TYW1: variants seen among roughly 807,000 people sequenced by gnomAD.
TYW1 encodes S-adenosyl-L-methionine-dependent tRNA 4-demethylwyosine synthase TYW1.
Under a neutral mutation model 96.2 loss-of-function variants are expected in TYW1, and 46 were observed. That is an observed-to-expected ratio of 0.48 (90% CI 0.38 to 0.61). The LOEUF is 0.61. TYW1 is among the 20% of genes least tolerant of loss of function. The pLI is 0.00. For synonymous variants in TYW1, 274 were observed against 323.0 expected (o/e 0.85, Z 1.63); for missense variants, 684 against 909.6 (o/e 0.75, Z 3.19).
chr7:67,223,072 A>G (rs556331286), intron 15 of TYW1, among the ~76,000 whole-genome samples: 2 of 151,958 alleles, frequency 1.3e-5, no homozygotes, highest in South Asian at 4.2e-4. Context: ...TTTTGTTCAT[A>G]TGTCCTTTTC....
At chr7:67,055,916 C>T in intron 9 of TYW1, 29 bp downstream of exon 9, 1 of 1,569,538 alleles carries the variant, frequency 6.4e-7, no homozygotes, top group Non-Finnish European at 8.7e-7. Flanking sequence ...TTCAATATGT[C>T]TATTACATGC....
chr7:67,027,017 A>G (rs953255486), intron 7 of TYW1, among the ~76,000 whole-genome samples: 3 of 152,026 alleles, frequency 2.0e-5, no homozygotes, highest in Non-Finnish European at 4.4e-5. Flanking sequence ...TCAGCAACAT[A>G]GTGAAACCCC....
rs1469878742 is a variant in TYW1 at position 67,199,841 on chromosome 7, G to A, written c.1977+4504G>A. Among the ~76,000 whole-genome samples, 4 of 151,996 alleles carry A rather than the reference G, an allele frequency of 2.6e-5. No individual in the cohort carries two copies. In the East Asian group the frequency reaches 5.8e-4, roughly 22 times the overall value. ...TTCAAGGCCATTATCAACATTAAAA[G>A]TAACATATTTAAAGTACCTAGAAGG... is the stretch of plus-strand genomic sequence containing the variant. On this transcript the variant is annotated intron_variant, in intron 15 of 15. Coordinates refer to ENST00000359626, the MANE Select transcript of TYW1 (RefSeq NM_018264.4).
At chr7:67,100,538 AAAGTAT>A (rs1797053675) in intron 12 of TYW1, among the ~76,000 whole-genome samples, 1 of 152,062 alleles carries the variant, frequency 6.6e-6, no homozygotes, top group South Asian at 2.1e-4. Flanking sequence ...ACTGGCCAAT[AAAGTAT>A]AAGATTGTAA....
chr7:67,066,392 C>G (rs960512196), intron 9 of TYW1, among the ~76,000 whole-genome samples: 3 of 152,164 alleles, frequency 2.0e-5, no homozygotes, highest in African/African-American at 7.2e-5. Flanking sequence ...CCTGGTTGAT[C>G]TAGACATTTT....
intron 9 of TYW1, among the ~76,000 whole-genome samples, chr7:67,059,107 T>G (rs950618772): frequency 2.7e-5 from 4 of 150,258 alleles, no homozygotes; most frequent in East Asian, 2.0e-4. Context: ...TTTTTTTTTT[T>G]TTTTTTTTTT....
At chr7:67,158,289 G>A (rs10248146) in intron 13 of TYW1, among the ~76,000 whole-genome samples, 39,408 of 151,730 alleles carry the variant, frequency 0.26, 5,592 homozygotes, top group African/African-American at 0.38. Flanking sequence ...GGGTTCAGCT[G>A]TGTTGGTCAG....
chr7:67,083,675 A>C, intron 11 of TYW1, 136 bp downstream of exon 11: 1 of 936,094 alleles, frequency 1.1e-6, no homozygotes, highest in South Asian at 1.8e-5. Context: ...ACTTTGTAGG[A>C]ATATTATATA....
rs570795354 is a variant in TYW1 at position 67,216,946 on chromosome 7, G to C, written c.1978-21362G>C. Among the ~76,000 whole-genome samples, 4 of 150,290 alleles carry C rather than the reference G, an allele frequency of 2.7e-5. No homozygotes were observed. In the East Asian group the frequency reaches 7.7e-4, roughly 29 times the overall value. On this transcript the variant is annotated intron_variant, in intron 15 of 15. Transcript: ENST00000359626. Reference sequence around the variant, plus strand: ...TAGTGGTCTGCCTTATATTTATCTGGAGTATTTTTTGAGACTGGTTATGTG... The same window carrying C: ...TAGTGGTCTGCCTTATATTTATCTGCAGTATTTTTTGAGACTGGTTATGTG...
At chr7:67,068,426 A>G (rs1168376790) in intron 10 of TYW1, among the ~76,000 whole-genome samples, 1 of 152,194 alleles carries the variant, frequency 6.6e-6, no homozygotes, top group East Asian at 1.9e-4. Flanking sequence ...GTGGTCACTA[A>G]TGACTTCCTT....
intron 4 of TYW1, among the ~76,000 whole-genome samples, chr7:67,010,621 GC>G (rs748160080): frequency 7.1e-4 from 108 of 151,994 alleles, no homozygotes; most frequent in Non-Finnish European, 1.2e-3. Context: ...GACTACAGGC[GC>G]CCGCCGCCAC....
intron 15 of TYW1, among the ~76,000 whole-genome samples, chr7:67,209,763 G>A (rs1160684089): frequency 6.6e-6 from 1 of 151,958 alleles, no homozygotes; most frequent in Admixed American, 6.6e-5. Context: ...ATAGAGACAG[G>A]GTTTCACCAT....
intron 11 of TYW1, among the ~76,000 whole-genome samples, chr7:67,093,975 A>G (rs1796804847): frequency 6.6e-6 from 1 of 152,190 alleles, no homozygotes; most frequent in African/African-American, 2.4e-5. Flanking sequence ...TGTACCTGAT[A>G]GGTAATTTTT....
At chr7:67,156,456 C>G (rs115517745) in intron 13 of TYW1, among the ~76,000 whole-genome samples, 2 of 152,226 alleles carry the variant, frequency 1.3e-5, no homozygotes, top group African/African-American at 4.8e-5. Context: ...ATTGGCAGCC[C>G]TGCCAGGGGT....
At chr7:67,233,074 T>G (rs1269332627) in intron 15 of TYW1, among the ~76,000 whole-genome samples, 2 of 79,536 alleles carry the variant, frequency 2.5e-5, no homozygotes, top group Non-Finnish European at 4.9e-5. Flanking sequence ...AATCTTGGAT[T>G]TCTCTATTTG....
intron 7 of TYW1, among the ~76,000 whole-genome samples, chr7:67,048,340 A>G (rs1295999634): frequency 6.6e-6 from 1 of 151,010 alleles, no homozygotes. Context: ...CTGGACATTT[A>G]AAATAGACAG....
intron 5 of TYW1, 105 bp downstream of exon 5, chr7:67,014,666 CACAT>C (rs1217142349): frequency 7.6e-7 from 1 of 1,311,796 alleles, no homozygotes; most frequent in African/African-American, 1.5e-5. Context: ...CACATAAACA[CACAT>C]GTATGTGAAA....
chr7:67,065,036 C>G (rs944865060), intron 9 of TYW1, among the ~76,000 whole-genome samples: 5 of 152,200 alleles, frequency 3.3e-5, no homozygotes, highest in African/African-American at 9.6e-5. Flanking sequence ...CTGTGTCTTA[C>G]AGAGTCCTTT....
At chr7:67,052,842 C>T (rs180786494) in intron 8 of TYW1, among the ~76,000 whole-genome samples, 1 of 152,108 alleles carries the variant, frequency 6.6e-6, no homozygotes, top group Non-Finnish European at 1.5e-5. Flanking sequence ...AGCGATTCTC[C>T]TGCCTCAAGT....
Sources: allele counts gnomAD v4.1 joint callset (sites outside exome capture counted in the v4.1 genomes callset), GRCh38; gene constraint gnomAD v4.1.1; transcripts MANE v1.5; gene names NCBI Gene and HGNC (gene_info 2026-07-23, HGNC 2026-07-21).